The following FRMD3 variants were observed in gnomAD, a reference collection of about 807,000 sequenced individuals.
The protein encoded by FRMD3 is FERM domain-containing protein 3.
FRMD3 carries 33 observed loss-of-function variants against 70.2 expected under a neutral mutation model. That is an observed-to-expected ratio of 0.47 (90% confidence interval 0.36 to 0.63). The LOEUF (loss-of-function observed/expected upper bound fraction) is 0.63. FRMD3 is among the 20% of genes least tolerant of loss of function. The probability of loss-of-function intolerance (pLI) is 0.00; values close to 1 mark genes in which losing one functional copy is unlikely to be tolerated. For missense variants in FRMD3, 632 were observed against 711.4 expected, an observed-to-expected ratio of 0.89 and a Z score of 1.27; for synonymous variants, 279 against 255.9, an observed-to-expected ratio of 1.09 and a Z score of -0.86.
intron 1 of FRMD3, among the ~76,000 whole-genome samples, chr9:83,464,288 C>T (rs1390544995): frequency 6.6e-6 from 1 of 152,162 alleles, no homozygotes; most frequent in African/African-American, 2.4e-5. Context: ...CTCATTCACC[C>T]ACTGCCTTCC....
At chr9:83,476,340 C>T (rs1587891059) in intron 1 of FRMD3, among the ~76,000 whole-genome samples, 1 of 149,930 alleles carries the variant, frequency 6.7e-6, no homozygotes, top group African/African-American at 2.5e-5. Context: ...GCCAAGATCA[C>T]TCCATTACAC....
intron 6 of FRMD3, among the ~76,000 whole-genome samples, chr9:83,321,133 A>G (rs1835785217): frequency 6.8e-6 from 1 of 147,804 alleles, no homozygotes; most frequent in Admixed American, 6.8e-5. Flanking sequence ...TCAAAACAAA[A>G]GAACCAACTT....
At chr9:83,491,942 A>T (rs771479828) in intron 1 of FRMD3, among the ~76,000 whole-genome samples, 21 of 152,186 alleles carry the variant, frequency 1.4e-4, no homozygotes, top group Admixed American at 2.6e-4. Flanking sequence ...GGGGCTGTTG[A>T]TGGTGTTTGT....
At chr9:83,443,033 A>G (rs1827349363) in intron 1 of FRMD3, among the ~76,000 whole-genome samples, 1 of 152,236 alleles carries the variant, frequency 6.6e-6, no homozygotes, top group South Asian at 2.1e-4. Context: ...ATGTATAGAT[A>G]TAAATATAGA....
intron 1 of FRMD3, among the ~76,000 whole-genome samples, chr9:83,513,484 A>G (rs1439738344): frequency 6.6e-6 from 1 of 152,230 alleles, no homozygotes; most frequent in African/African-American, 2.4e-5. Flanking sequence ...GAAAAAGAGA[A>G]ACTGCTGATT....
At chr9:83,546,258 G>A in the FRMD3 span, among the ~76,000 whole-genome samples, 1 of 152,166 alleles carries the variant, frequency 6.6e-6, no homozygotes, top group African/African-American at 2.4e-5. Context: ...ATAGGAGGCT[G>A]AGGCATGAAA....
intron 6 of FRMD3, among the ~76,000 whole-genome samples, chr9:83,322,361 C>T (rs957981630): frequency 6.6e-6 from 1 of 152,038 alleles, no homozygotes; most frequent in Admixed American, 6.6e-5. Context: ...TGGGATCTCT[C>T]CCAGGCAAGC....
chr9:83,477,109 C>T (rs1473089354), intron 1 of FRMD3, among the ~76,000 whole-genome samples: 1 of 152,182 alleles, frequency 6.6e-6, no homozygotes, highest in African/African-American at 2.4e-5. Flanking sequence ...GGTGCAGCAG[C>T]AACAGCATCA....
chr9:83,450,446 G>A (rs1232480188), intron 1 of FRMD3, among the ~76,000 whole-genome samples: 2 of 150,392 alleles, frequency 1.3e-5, no homozygotes, highest in Admixed American at 6.6e-5. Flanking sequence ...CCATGCTGGT[G>A]TGCTGCACCC....
At position 83,289,993 on chromosome 9, in the gene FRMD3, T is replaced by A. The variant is rs1385563281; in HGVS notation, c.1195+610A>T. Reference sequence around the variant, plus strand: ...TGGGGGTTGCAGTGGACACTTCACTTTTTTTTAGCTTGTATCAAAACTGTT... The same window carrying A: ...TGGGGGTTGCAGTGGACACTTCACTATTTTTTAGCTTGTATCAAAACTGTT... On this transcript the variant is annotated intron_variant, in intron 13 of 13. Transcript: ENST00000304195. Among the ~76,000 whole-genome samples, 11 of 152,112 alleles carry A rather than the reference T, an allele frequency of 7.2e-5. No individual in the cohort carries two copies. The East Asian group carries it at 1.9e-3, about 27-fold the overall frequency.
intron 12 of FRMD3, 36 bp downstream of exon 12, chr9:83,298,711 TA>T (rs749144582): frequency 1.3e-6 from 2 of 1,579,834 alleles, no homozygotes; most frequent in Non-Finnish European, 8.7e-7. Flanking sequence ...AGCCAGCTTT[TA>T]AAGCCACCTG....
At chr9:83,408,172 C>G (rs937943693) in intron 1 of FRMD3, among the ~76,000 whole-genome samples, 1 of 152,172 alleles carries the variant, frequency 6.6e-6, no homozygotes, top group Non-Finnish European at 1.5e-5. Context: ...AACATGTCCT[C>G]TCAACGAGAT....
At chr9:83,318,651 A>T (rs980221558) in intron 6 of FRMD3, among the ~76,000 whole-genome samples, 3 of 152,150 alleles carry the variant, frequency 2.0e-5, no homozygotes, top group African/African-American at 7.2e-5. Flanking sequence ...GTAGATATAT[A>T]TACACAAAGG....
intron 3 of FRMD3, among the ~76,000 whole-genome samples, chr9:83,358,102 A>G (rs1412978637): frequency 1.3e-5 from 2 of 152,086 alleles, no homozygotes; most frequent in African/African-American, 4.8e-5. Context: ...TCTTGAGTTG[A>G]TTTTTGTATA....
intron 1 of FRMD3, among the ~76,000 whole-genome samples, chr9:83,528,924 G>A (rs1009074664): frequency 2.0e-5 from 3 of 151,996 alleles, no homozygotes; most frequent in East Asian, 1.9e-4. Context: ...TAAAATATTC[G>A]ATTATTGATT....
rs926315870 is a variant in FRMD3 at position 83,265,227 on chromosome 9, C to T, written c.1196-16711G>A. 4.6e-5 allele frequency among the ~76,000 whole-genome samples: 7 copies of T among 151,706 alleles called. No individual in the cohort carries two copies. The East Asian group carries it at 7.8e-4, about 17-fold the overall frequency. ...CATCCTGGCTAACACGGTGAAACCC[C>T]GTCTCTACTAAAAATACAAAAAATT... On this transcript the variant is annotated intron_variant, in intron 13 of 13. Transcript: ENST00000304195.
intron 1 of FRMD3, among the ~76,000 whole-genome samples, chr9:83,419,581 A>G (rs749997241): frequency 6.7e-6 from 1 of 149,804 alleles, no homozygotes; most frequent in Admixed American, 6.7e-5. Context: ...AATGTGTGTG[A>G]TATGTGTTCA....
intron 1 of FRMD3, among the ~76,000 whole-genome samples, chr9:83,421,066 G>A (rs1011507585): frequency 1.4e-5 from 2 of 145,102 alleles, no homozygotes; most frequent in Admixed American, 7.1e-5. Flanking sequence ...TCAGCCTCCC[G>A]AGTAGCTGGG....
At chr9:83,381,938 T>C (rs1299213666) in intron 2 of FRMD3, among the ~76,000 whole-genome samples, 1 of 152,118 alleles carries the variant, frequency 6.6e-6, no homozygotes, top group African/African-American at 2.4e-5. Context: ...CAATAAAACC[T>C]TATTTACAAA....
Sources: allele counts gnomAD v4.1 joint callset (sites outside exome capture counted in the v4.1 genomes callset), GRCh38; gene constraint gnomAD v4.1.1; transcripts MANE v1.5; gene names NCBI Gene and HGNC (gene_info 2026-07-23, HGNC 2026-07-21).